The following SPART variants were observed in gnomAD, a reference collection of about 807,000 sequenced individuals.
SPART encodes the protein spartin.
A neutral mutation model predicts 58.7 loss-of-function variants in SPART; 35 were observed. The observed-to-expected ratio is 0.60, with a 90% CI of 0.46 to 0.79. The LOEUF is 0.79. Ranked by LOEUF, SPART falls within the 30% of genes least tolerant of loss-of-function variation. The probability of loss-of-function intolerance (pLI) is 0.00; values close to 1 mark genes in which losing one functional copy is unlikely to be tolerated. For synonymous variants in SPART, 284 were observed against 280.7 expected (o/e 1.01, Z -0.12); for missense variants, 730 against 786.1 (o/e 0.93, Z 0.85).
intron 5 of SPART, among the ~76,000 whole-genome samples, chr13:36,315,038 G>T (rs1022973009): frequency 2.0e-5 from 3 of 152,196 alleles, no homozygotes; most frequent in African/African-American, 7.2e-5. Context: ...AAAAACATGA[G>T]AACACTCAAA....
Position 36,312,336 on chromosome 13 carries a change from G to T in SPART, c.1625C>A (p.Ala542Glu). The change falls in exon 7 of 9, where the codon GCA (alanine) becomes GAA (glutamate). Residue 542 changes from alanine to glutamate, a missense_variant. Physicochemically the swap from Ala to Glu is moderately radical, Grantham distance 107. Transcript: ENST00000438666. ...TTTGTTACCTTGAACACTACTTGCTGCTACAACCATAGCACCATCCAGAGG... is the reference window on the plus strand; with the variant it reads ...TTTGTTACCTTGAACACTACTTGCTTCTACAACCATAGCACCATCCAGAGG... The part of the protein sequence containing the change: ...KSPLDGAMVV[A>E]ASSVQGFSTV... 1 of 1,614,090 alleles carries T rather than the reference G, an allele frequency of 6.2e-7. No individual in the cohort carries two copies. Among genetic ancestry groups the T allele is most frequent in the East Asian group, 2.2e-5 (1 of 44,844 alleles).
At chr13:36,340,509 C>CTTCTTAAAGGCAACAATAGAAG (rs1884475365) in intron 1 of SPART, among the ~76,000 whole-genome samples, 1 of 151,990 alleles carries the variant, frequency 6.6e-6, no homozygotes, top group Non-Finnish European at 1.5e-5. Context: ...TGCTAAGGAA[C>CTTCTTAAAGGCAACAATAGAAG]TTCTTAAAGG....
In SPART at chr13:36,319,315, G is replaced by A. The variant is rs1490408413; in HGVS notation, c.1289-4894C>T. Among the ~76,000 whole-genome samples, 3 of 143,830 alleles carry A rather than the reference G, an allele frequency of 2.1e-5. No individual in the cohort carries two copies. The East Asian group carries it at 6.2e-4, about 30-fold the overall frequency. The allele number at this position is 143,830 out of a possible 152,430, so 94.4% of individuals were successfully genotyped here. ...AAAGCCTCCTTTGCGTCCCCCTCTT[G>A]TATCCCCCCACCTTAACCCACAAGT... On this transcript the variant is annotated intron_variant, in intron 5 of 8. Transcript: ENST00000438666.
chr13:36,317,932 C>T (rs1881910933), intron 5 of SPART, among the ~76,000 whole-genome samples: 1 of 152,180 alleles, frequency 6.6e-6, no homozygotes, highest in African/African-American at 2.4e-5. Context: ...GGCAAATGGT[C>T]TGAGGTGCCT....
At chr13:36,358,444 T>G (rs1885707818) in intron 1 of SPART, among the ~76,000 whole-genome samples, 1 of 152,186 alleles carries the variant, frequency 6.6e-6, no homozygotes, top group Non-Finnish European at 1.5e-5. Flanking sequence ...ATTTACCTAT[T>G]TTTTTCTCAT....
chr13:36,344,557 C>T (rs1386720483), intron 1 of SPART, among the ~76,000 whole-genome samples: 1 of 152,014 alleles, frequency 6.6e-6, no homozygotes, highest in African/African-American at 2.4e-5. Flanking sequence ...AATCTCAACA[C>T]AGAAAGAAAA....
chr13:36,343,621 T>TA (rs1178630989), intron 1 of SPART, among the ~76,000 whole-genome samples: 2 of 152,184 alleles, frequency 1.3e-5, no homozygotes, highest in Non-Finnish European at 2.9e-5. Flanking sequence ...AGTACTGCTT[T>TA]AAAAATCACT....
chr13:36,318,958 C>T (rs919353820), intron 5 of SPART, among the ~76,000 whole-genome samples: 4 of 152,172 alleles, frequency 2.6e-5, no homozygotes, highest in East Asian at 1.9e-4. Context: ...TAGACCATCA[C>T]GGACGCTGAG....
At chr13:36,342,552 G>T (rs1379805431) in intron 1 of SPART, among the ~76,000 whole-genome samples, 2 of 151,906 alleles carry the variant, frequency 1.3e-5, no homozygotes, top group Non-Finnish European at 2.9e-5. Context: ...TTTTGGGTTG[G>T]ATAATGCTTT....
intron 8 of SPART, among the ~76,000 whole-genome samples, chr13:36,305,474 T>G (rs577436276): frequency 6.6e-6 from 1 of 152,294 alleles, no homozygotes; most frequent in African/African-American, 2.4e-5. Flanking sequence ...CTTTGTCCTT[T>G]AACATATCCT....
At position 36,331,449 on chromosome 13, in the gene SPART, T is replaced by C. The variant is rs1228185607; in HGVS notation, c.958A>G (p.Arg320Gly). The change falls in exon 3 of 9, where the codon AGA becomes GGA. Residue 320 changes from arginine (R) to glycine (G), a missense_variant. Coordinates refer to ENST00000438666, the MANE Select transcript of SPART (RefSeq NM_015087.5). ...CTTAACAGATCCTCAAAGAGCTCTC[T>C]ATCATCCTCTGGTAACTCAGAGGAC... ...VLSSELPEDD[R>G]ELFEDLLRQM... 1 of 1,614,144 alleles carries C rather than the reference T, an allele frequency of 6.2e-7. No homozygotes were observed. Among genetic ancestry groups the C allele is most frequent in the Non-Finnish European group, 8.5e-7 (1 of 1,180,028 alleles).
chr13:36,303,751 CAA>C lies in SPART; in HGVS notation c.*612_*613del, dbSNP rs766156009. 4 of 153,094 alleles carry C rather than the reference CAA, an allele frequency of 2.6e-5. No individual in the cohort carries two copies. The highest frequency in any genetic ancestry group is 6.5e-5 in the Admixed American group (1 of 15,322). The allele number at this position is 153,094 out of a possible 1,614,324, so 9.5% of individuals were successfully genotyped here. On this transcript the variant is annotated 3_prime_UTR_variant, in exon 9 of 9. Coordinates refer to ENST00000438666, the MANE Select transcript of SPART (RefSeq NM_015087.5). ...TAATCTATTTTTATTTATTTTAAAT[CAA>C]AGAGACCATTCCATTTCCTAACAAA...
At chr13:36,313,975 T>C (rs1204321055) in intron 6 of SPART, 3 of 526,960 alleles carry the variant, frequency 5.7e-6, no homozygotes, top group African/African-American at 1.9e-5. Flanking sequence ...CACCTAGGGA[T>C]CTTGTGAAAA....
rs200481904 is a variant in SPART at position 36,326,669 on chromosome 13, G to T, written c.1194C>A (p.Asn398Lys). The T allele has an allele frequency of 1.4e-5, 22 of 1,613,030 alleles. No homozygotes were observed. The highest frequency in any genetic ancestry group is 1.9e-5 in the Non-Finnish European group (22 of 1,179,806). ...GCTCACATGGTACAATGTGACTCAG[G>T]TTAACTTCTTCACTTGAAGTATCTT... Reference protein sequence around the residue: ...RAKDTSSEEVNLSHIVPCEPV... With the variant: ...RAKDTSSEEVKLSHIVPCEPV... The change falls in exon 5 of 9, where the codon AAC (asparagine) becomes AAA (lysine). Residue 398 changes from asparagine to lysine, a missense_variant. By Grantham distance (94) the Asn-to-Lys change is moderately conservative. Transcript: ENST00000438666.
intron 1 of SPART, chr13:36,365,732 C>T (rs1051731657): frequency 2.7e-6 from 1 of 370,714 alleles, no homozygotes; most frequent in African/African-American, 2.2e-5. Context: ...CTCCATAGCT[C>T]CAGCATCTAG....
rs1883830062 is a variant in SPART at position 36,335,053 on chromosome 13, T to TCGAATA, written c.777_778insTATTCG (p.Asp259_Thr260insTyrSer). 6.2e-7 allele frequency: 1 copy of TCGAATA among 1,614,140 alleles called. No homozygotes were observed. The highest frequency in any genetic ancestry group is 2.2e-5 in the East Asian group (1 of 44,876). On this transcript the variant is annotated inframe_insertion, in exon 2 of 9. Coordinates refer to ENST00000438666, the MANE Select transcript of SPART (RefSeq NM_015087.5). Reference sequence around the variant, plus strand: ...AACCCGGGAGGACGGTTTAGAACCGTATCGAGAGAATTATCCAAAAACCTC... The same window carrying TCGAATA: ...AACCCGGGAGGACGGTTTAGAACCGTCGAATAATCGAGAGAATTATCCAAAAACCTC...
At chr13:36,357,426 T>C (rs1885665394) in intron 1 of SPART, among the ~76,000 whole-genome samples, 1 of 152,164 alleles carries the variant, frequency 6.6e-6, no homozygotes, top group Non-Finnish European at 1.5e-5. Flanking sequence ...TATGGCCTCC[T>C]CGGAAAAAGC....
intron 1 of SPART, among the ~76,000 whole-genome samples, chr13:36,352,701 T>A (rs1313463300): frequency 6.6e-6 from 1 of 151,052 alleles, no homozygotes; most frequent in Non-Finnish European, 1.5e-5. Flanking sequence ...AATCCCAACA[T>A]GTTGGGAGGC....
chr13:36,338,304 T>G (rs1884217288), intron 1 of SPART, among the ~76,000 whole-genome samples: 1 of 152,108 alleles, frequency 6.6e-6, no homozygotes, highest in Non-Finnish European at 1.5e-5. Context: ...ATAGGGAAGA[T>G]GAAAAGTCAA....
Sources: allele counts gnomAD v4.1 joint callset (sites outside exome capture counted in the v4.1 genomes callset), GRCh38; gene constraint gnomAD v4.1.1; transcripts MANE v1.5; gene names NCBI Gene and HGNC (gene_info 2026-07-23, HGNC 2026-07-21).